Variants in DOCK1 observed in about 807,000 individuals in gnomAD.
DOCK1 encodes dedicator of cytokinesis 1.
Under a neutral mutation model 262.7 loss-of-function variants are expected in DOCK1, and 138 were observed. The ratio of observed to expected loss-of-function variants is 0.53; its 90% CI spans 0.46 to 0.61. The LOEUF (loss-of-function observed/expected upper bound fraction) is 0.61. Among genes scored for constraint, DOCK1 ranks in the 20% least tolerant of loss-of-function variants. The pLI, the probability that DOCK1 is intolerant of heterozygous loss-of-function variation, is 0.00. For synonymous variants in DOCK1, 866 were observed against 867.4 expected, an observed-to-expected ratio of 1.00 and a Z score of 0.03; for missense variants, 1,908 against 2,370.7, an observed-to-expected ratio of 0.80 and a Z score of 4.05.
intron 21 of DOCK1, 51 bp downstream of exon 21, chr10:127,043,215 GTTAT>G: frequency 7.3e-7 from 1 of 1,373,376 alleles, no homozygotes. Context: ...TGGTATTTGT[GTTAT>G]TTAGAGTCTT....
chr10:127,354,749 G>A (rs375356059), intron 32 of DOCK1, 22 bp downstream of exon 32: 107 of 1,613,548 alleles, frequency 6.6e-5, no homozygotes, highest in Non-Finnish European at 7.9e-5. Flanking sequence ...GGATGTGGGG[G>A]CATAGTGAAT....
At chr10:127,133,602 G>A (rs949379390) in intron 27 of DOCK1, among the ~76,000 whole-genome samples, 19 of 152,112 alleles carry the variant, frequency 1.2e-4, no homozygotes, top group African/African-American at 4.6e-4. Flanking sequence ...TTTCAAGGTT[G>A]GTTACTAGCT....
chr10:127,432,671 CT>C (rs200299163), intron 47 of DOCK1, among the ~76,000 whole-genome samples: 3 of 152,130 alleles, frequency 2.0e-5, no homozygotes, highest in Non-Finnish European at 4.4e-5. Flanking sequence ...ATCTAGAGAT[CT>C]TTTTTTTGTT....
chr10:126,944,952 C>T (rs2035282862), intron 1 of DOCK1, among the ~76,000 whole-genome samples: 1 of 152,124 alleles, frequency 6.6e-6, no homozygotes, highest in African/African-American at 2.4e-5. Flanking sequence ...GATTCTCCTG[C>T]CTCGGCCTCC....
intron 1 of DOCK1, among the ~76,000 whole-genome samples, chr10:126,946,733 A>G (rs928405570): frequency 1.3e-5 from 2 of 152,228 alleles, no homozygotes; most frequent in Non-Finnish European, 2.9e-5. Context: ...TCCATGTCAC[A>G]GCACACGTCA....
intron 6 of DOCK1, among the ~76,000 whole-genome samples, chr10:126,996,305 G>A (rs142616166): frequency 0.024 from 3,623 of 148,126 alleles, 140 homozygotes; most frequent in African/African-American, 0.083. Flanking sequence ...GCTTGAACCC[G>A]GGAGATGGAG....
At chr10:127,277,582 A>C (rs1425054993) in intron 29 of DOCK1, among the ~76,000 whole-genome samples, 1 of 151,928 alleles carries the variant, frequency 6.6e-6, no homozygotes, top group African/African-American at 2.4e-5. Context: ...ATATGGTGAA[A>C]CCTCGTCTCT....
intron 29 of DOCK1, among the ~76,000 whole-genome samples, chr10:127,275,940 G>A (rs974957514): frequency 2.0e-5 from 3 of 152,212 alleles, no homozygotes; most frequent in African/African-American, 4.8e-5. Flanking sequence ...TAATGCCCAC[G>A]CATGGCGTAC....
At chr10:127,325,373 T>G (rs2062707682) in intron 29 of DOCK1, among the ~76,000 whole-genome samples, 1 of 152,332 alleles carries the variant, frequency 6.6e-6, no homozygotes, top group South Asian at 2.1e-4. Context: ...TTGCTAACTG[T>G]GTGTCAGGAA....
At chr10:126,986,416 G>C (rs1013540803) in intron 4 of DOCK1, among the ~76,000 whole-genome samples, 1 of 152,126 alleles carries the variant, frequency 6.6e-6, no homozygotes, top group Non-Finnish European at 1.5e-5. Context: ...ATCCCATGCT[G>C]GCCACATTCT....
chr10:127,095,890 G>T (rs915543792), intron 23 of DOCK1, among the ~76,000 whole-genome samples: 1 of 152,130 alleles, frequency 6.6e-6, no homozygotes, highest in Non-Finnish European at 1.5e-5. Flanking sequence ...ACTTTTTTCA[G>T]TTTGGGCTTT....
At chr10:127,260,348 G>A (rs1328060573) in intron 29 of DOCK1, among the ~76,000 whole-genome samples, 2 of 152,238 alleles carry the variant, frequency 1.3e-5, no homozygotes, top group Admixed American at 1.3e-4. Flanking sequence ...CTACCTTGGT[G>A]ATAATAAAGT....
intron 7 of DOCK1, chr10:126,997,794 C>CA (rs2040316012): frequency 6.3e-6 from 2 of 318,004 alleles, no homozygotes; most frequent in African/African-American, 4.1e-5. Context: ...AATGAGGGAA[C>CA]AAAAAATTAA....
intron 10 of DOCK1, among the ~76,000 whole-genome samples, chr10:127,005,830 T>A (rs2040975008): frequency 6.6e-6 from 1 of 152,244 alleles, no homozygotes. Flanking sequence ...ATTGATTTTT[T>A]AATGTCTTTT....
At chr10:127,422,416 C>T (rs2068575547) in intron 46 of DOCK1, among the ~76,000 whole-genome samples, 1 of 152,086 alleles carries the variant, frequency 6.6e-6, no homozygotes, top group Non-Finnish European at 1.5e-5. Context: ...CCGCCCACCT[C>T]AGCCTCCCAA....
chr10:127,182,561 AGAGAT>A (rs2055839183), intron 27 of DOCK1, among the ~76,000 whole-genome samples: 1 of 152,220 alleles, frequency 6.6e-6, no homozygotes, highest in Non-Finnish European at 1.5e-5. Context: ...CTACATTCAT[AGAGAT>A]GAATTACCAA....
chr10:127,179,996 T>G (rs2055573645), intron 27 of DOCK1, among the ~76,000 whole-genome samples: 1 of 152,214 alleles, frequency 6.6e-6, no homozygotes, highest in Admixed American at 6.5e-5. Flanking sequence ...TTTTGGGATT[T>G]TTTGCAACTT....
At chr10:127,415,569 C>T (rs1446084156) in intron 44 of DOCK1, among the ~76,000 whole-genome samples, 1 of 152,228 alleles carries the variant, frequency 6.6e-6, no homozygotes, top group Non-Finnish European at 1.5e-5. Context: ...AAGTTGAAGA[C>T]AAATTCCAGT....
intron 2 of DOCK1, 52 bp downstream of exon 2, chr10:126,970,837 CCTT>C (rs932238243): frequency 3.2e-6 from 5 of 1,579,016 alleles, no homozygotes; most frequent in Non-Finnish European, 4.3e-6. Context: ...AGATGGCACA[CCTT>C]CTCAGTGCCT....
Sources: gnomAD v4.1 joint callset for allele counts (sites outside exome capture counted in the v4.1 genomes callset) on GRCh38, gnomAD v4.1.1 for gene constraint, MANE v1.5 for transcripts, NCBI Gene and HGNC (gene_info 2026-07-23, HGNC 2026-07-21) for gene names.